NPC2: variants seen among roughly 807,000 people sequenced by gnomAD.
The protein encoded by NPC2 is Niemann-Pick disease type C2 protein.
Under a neutral mutation model 17.0 loss-of-function variants are expected in NPC2, and 14 were observed. The observed-to-expected ratio is 0.82, with a 90% CI of 0.54 to 1.29. The LOEUF (loss-of-function observed/expected upper bound fraction) is 1.29, where lower values mean the gene tolerates loss of function less well. NPC2 is among the 50% of genes most tolerant of loss of function. The probability of loss-of-function intolerance (pLI) is 0.00; values close to 1 mark genes in which losing one functional copy is unlikely to be tolerated. For synonymous variants in NPC2, 75 were observed against 69.3 expected (o/e 1.08, Z -0.41); for missense variants, 167 against 183.4 (o/e 0.91, Z 0.52).
rs373945093 is a variant in NPC2 at position 74,493,089 on chromosome 14, C to T, written c.82+104G>A. The T allele has an allele frequency of 2.4e-4, 340 of 1,440,026 alleles. 7 individuals are homozygous for T. In the East Asian group the frequency reaches 3.3e-3, roughly 14 times the overall value. The allele number at this position is 1,440,026 out of a possible 1,614,324, so 89.2% of individuals were successfully genotyped here. A position where few individuals can be genotyped will look rare whatever the true frequency, so the allele number is the denominator to read the frequency against. On this transcript the variant is annotated intron_variant, in intron 1 of 4. Coordinates refer to ENST00000555619, the MANE Select transcript of NPC2 (RefSeq NM_006432.5). This position sits in a 1 kb window ranked among gnomAD's most constrained non-coding sequence, Gnocchi z 4.1. ...AGGTAGGGTCCAAGGCTCAGCCTGG[C>T]CGCCCGAGGGATCCGCCCAGCCCAG...
chr14:74,493,372 G>A, upstream of NPC2: 2 of 1,552,206 alleles, frequency 1.3e-6, no homozygotes, highest in South Asian at 2.4e-5. The surrounding 1 kb of genome is among the most constrained non-coding windows in gnomAD (Gnocchi z 4.1). Flanking sequence ...GCCCAGTCAG[G>A]CGACCTGTCA....
At chr14:74,484,755 C>CAAAA (rs71115996) in intron 2 of NPC2, among the ~76,000 whole-genome samples, 168 bp from the exon 3 acceptor site, 112 of 85,078 alleles carry the variant, frequency 1.3e-3, no homozygotes, top group East Asian at 1.8e-3. Flanking sequence ...CACAATTATG[C>CAAAA]AAAAAAAAAA....
In NPC2 at chr14:74,491,318, G is replaced by A. The variant is rs1043093642; in HGVS notation, c.82+1875C>T. 3.3e-5 allele frequency among the ~76,000 whole-genome samples: 5 copies of A among 152,068 alleles called. No homozygotes were observed. In the South Asian group the frequency reaches 8.3e-4, roughly 25 times the overall value. Reference sequence around the variant, plus strand: ...AATCTCTTGACCTCGTGATCTGCCCGTCTTGGCCTCCCAAAGTGCTGGGAT... The same window carrying A: ...AATCTCTTGACCTCGTGATCTGCCCATCTTGGCCTCCCAAAGTGCTGGGAT... On this transcript the variant is annotated intron_variant, in intron 1 of 4. Coordinates refer to ENST00000555619, the MANE Select transcript of NPC2 (RefSeq NM_006432.5).
At chr14:74,486,297 A>G in intron 2 of NPC2, 32 bp downstream of exon 2, 1 of 1,515,060 alleles carries the variant, frequency 6.6e-7, no homozygotes, top group Non-Finnish European at 9.0e-7. Context: ...ATGCTGTAAC[A>G]TGAATTTGAG....
chr14:74,480,842 G>A lies in NPC2; in HGVS notation c.364-63C>T, dbSNP rs551339768. On this transcript the variant is annotated intron_variant, in intron 3 of 4. Transcript: ENST00000555619. ...AGGACCTGACTTCTATCCATAATTG[G>A]TTTAACTATGAATCCTAGATGTACA... The A allele has an allele frequency of 2.6e-5, 35 of 1,345,220 alleles. No homozygotes were observed. The East Asian group carries it at 6.9e-4, about 26-fold the overall frequency. The allele number at this position is 1,345,220 out of a possible 1,614,324, so 83.3% of individuals were successfully genotyped here.
intron 1 of NPC2, among the ~76,000 whole-genome samples, chr14:74,490,433 C>G (rs1431304088): frequency 6.6e-6 from 1 of 152,210 alleles, no homozygotes; most frequent in Non-Finnish European, 1.5e-5. Flanking sequence ...ACACTCTCTT[C>G]CACTCCAACC....
chr14:74,492,511 G>A, intron 1 of NPC2, among the ~76,000 whole-genome samples: 1 of 152,092 alleles, frequency 6.6e-6, no homozygotes, highest in East Asian at 1.9e-4. Context: ...CTCCACCTCT[G>A]AACAACATTG....
chr14:74,486,299 G>A (rs888746319), intron 2 of NPC2, 30 bp downstream of exon 2: 2 of 1,520,180 alleles, frequency 1.3e-6, no homozygotes, highest in Non-Finnish European at 1.8e-6. Flanking sequence ...GCTGTAACAT[G>A]AATTTGAGTT....
At chr14:74,491,306 C>T (rs2086769233) in intron 1 of NPC2, among the ~76,000 whole-genome samples, 1 of 152,106 alleles carries the variant, frequency 6.6e-6, no homozygotes, top group Non-Finnish European at 1.5e-5. Flanking sequence ...CTCTTGACCT[C>T]GTGATCTGCC....
intron 1 of NPC2, among the ~76,000 whole-genome samples, chr14:74,488,075 T>C (rs1259507311): frequency 2.6e-5 from 4 of 152,280 alleles, no homozygotes; most frequent in South Asian, 2.1e-4. Context: ...CCAAGGAAAT[T>C]TGCATCTGAG....
At chr14:74,483,445 G>A (rs2086676173) in intron 3 of NPC2, 1 of 1,537,808 alleles carries the variant, frequency 6.5e-7, no homozygotes, top group African/African-American at 1.4e-5. Context: ...TGGTCAGACA[G>A]ATAAATAGAA....
intron 1 of NPC2, among the ~76,000 whole-genome samples, 176 bp from the exon 2 acceptor site, chr14:74,486,612 T>C (rs1464036566): frequency 6.6e-6 from 1 of 152,244 alleles, no homozygotes; most frequent in East Asian, 1.9e-4. Context: ...GTCAGAATCT[T>C]GATTCATCTT....
intron 4 of NPC2, 49 bp downstream of exon 4, chr14:74,480,653 T>G: frequency 7.0e-7 from 1 of 1,429,666 alleles, no homozygotes; most frequent in Non-Finnish European, 9.9e-7. Flanking sequence ...TGATTTCTCC[T>G]CCACTTTCTT....
chr14:74,493,333 C>G, upstream of NPC2: 1 of 1,585,536 alleles, frequency 6.3e-7, no homozygotes, highest in Non-Finnish European at 8.6e-7. The surrounding 1 kb of genome is among the most constrained non-coding windows in gnomAD (Gnocchi z 4.1). Flanking sequence ...GGTCACAAGA[C>G]AAACCTGTCG....
chr14:74,480,835 A>G, intron 3 of NPC2, 56 bp from the exon 4 acceptor site: 2 of 1,424,192 alleles, frequency 1.4e-6, no homozygotes, highest in Non-Finnish European at 9.9e-7. Flanking sequence ...ACTTCTATCC[A>G]TAATTGGTTT....
chr14:74,491,370 C>T (rs1390108292), intron 1 of NPC2, among the ~76,000 whole-genome samples: 1 of 152,030 alleles, frequency 6.6e-6, no homozygotes, highest in South Asian at 2.1e-4. Flanking sequence ...TGTGCCTGGC[C>T]GGAATGAGTT....
chr14:74,490,800 A>G (rs750921021), intron 1 of NPC2, among the ~76,000 whole-genome samples: 2 of 152,240 alleles, frequency 1.3e-5, no homozygotes, highest in African/African-American at 2.4e-5. Context: ...TGAAGTCTTT[A>G]TATCATATTT....
chr14:74,493,136 G>C lies in NPC2; in HGVS notation c.82+57C>G. On this transcript the variant is annotated intron_variant, in intron 1 of 4. Coordinates refer to ENST00000555619, the MANE Select transcript of NPC2 (RefSeq NM_006432.5). This position sits in a 1 kb window ranked among gnomAD's most constrained non-coding sequence, Gnocchi z 4.1. ...CCAGCCCCAGGGGTCTCAGCGCGGG[G>C]GTCCGGCGGGGCCTTCCACAGAGGG... is the stretch of plus-strand genomic sequence containing the variant. The C allele has an allele frequency of 1.9e-6, 3 of 1,559,106 alleles. No individual in the cohort carries two copies. The highest frequency in any genetic ancestry group is 2.6e-6 in the Non-Finnish European group (3 of 1,151,014).
intron 3 of NPC2, 66 bp from the exon 4 acceptor site, chr14:74,480,845 T>A: frequency 7.6e-7 from 1 of 1,317,090 alleles, no homozygotes; most frequent in South Asian, 1.2e-5. Flanking sequence ...ATAATTGGTT[T>A]AACTATGAAT....
Sources: gnomAD v4.1 joint callset for allele counts (sites outside exome capture counted in the v4.1 genomes callset) on GRCh38, gnomAD v4.1.1 for gene constraint, Gnocchi (gnomAD v3.1) non-coding constraint, MANE v1.5 for transcripts, NCBI Gene and HGNC (gene_info 2026-07-23, HGNC 2026-07-21) for gene names.